Variants in NEK4 observed in about 807,000 individuals in gnomAD.
NEK4 encodes the protein serine/threonine-protein kinase Nek4.
A neutral mutation model predicts 98.4 loss-of-function variants in NEK4; 86 were observed. The ratio of observed to expected loss-of-function variants is 0.87; its 90% CI spans 0.73 to 1.05. The LOEUF is 1.05. NEK4 is among the 50% of genes least tolerant of loss of function. The pLI is 0.00. For missense variants in NEK4, 898 were observed against 950.3 expected, an observed-to-expected ratio of 0.94 and a Z score of 0.72; for synonymous variants, 328 against 342.2, an observed-to-expected ratio of 0.96 and a Z score of 0.46.
chr3:52,746,952 C>G (rs1383550092), intron 8 of NEK4, 48 bp from the exon 9 acceptor site: 1 of 1,385,706 alleles, frequency 7.2e-7, no homozygotes. Context: ...CAACCTGGTA[C>G]ATTGTAATCC....
chr3:52,738,770 C>T (rs1267543656), intron 14 of NEK4, among the ~76,000 whole-genome samples: 1 of 152,112 alleles, frequency 6.6e-6, no homozygotes, highest in Non-Finnish European at 1.5e-5. Flanking sequence ...TCTTGTTATA[C>T]TGACATTCTT....
At chr3:52,729,406 A>T (rs2097367510) in intron 15 of NEK4, among the ~76,000 whole-genome samples, 1 of 152,046 alleles carries the variant, frequency 6.6e-6, no homozygotes, top group Non-Finnish European at 1.5e-5. Flanking sequence ...CCTGTTTCAA[A>T]TATTTTAAAT....
rs1319946090 is a variant in NEK4, at chr3:52,708,571, G to A, written c.*3206C>T. On this transcript the variant is annotated 3_prime_UTR_variant, in exon 16 of 16. Transcript: ENST00000233027. ...CTAGCCATGATTCAAAGGTTCAATA[G>A]CTATATGTGACTAGTGGCTACCATA... 2 of 152,160 alleles carry A rather than the reference G, an allele frequency of 1.3e-5. No homozygotes were observed. Among genetic ancestry groups the A allele is most frequent in the Non-Finnish European group, 2.9e-5 (2 of 68,026 alleles). 9.4% of individuals were successfully genotyped at this position (152,160 alleles called of 1,614,324 possible). A position where few individuals can be genotyped will look rare whatever the true frequency, so the allele number is the denominator to read the frequency against.
chr3:52,709,793 AAACT>A lies in NEK4; in HGVS notation c.*1980_*1983del, dbSNP rs1267999144. On this transcript the variant is annotated 3_prime_UTR_variant, in exon 16 of 16. Coordinates refer to ENST00000233027, the MANE Select transcript of NEK4 (RefSeq NM_003157.6). ...ACCAATACATTAGAAAAATTAAGTA[AAACT>A]GATGACTCTCCAGAACGATGTGGAT... 1.3e-5 allele frequency: 2 copies of A among 152,222 alleles called. No homozygotes were observed. Among genetic ancestry groups the A allele is most frequent in the East Asian group, 3.9e-4 (2 of 5,184 alleles). The allele number at this position is 152,222 out of a possible 1,614,324, so 9.4% of individuals were successfully genotyped here. A position where few individuals can be genotyped will look rare whatever the true frequency, so the allele number is the denominator to read the frequency against.
intron 8 of NEK4, among the ~76,000 whole-genome samples, chr3:52,748,461 G>A (rs1273010212): frequency 6.6e-6 from 1 of 152,064 alleles, no homozygotes; most frequent in African/African-American, 2.4e-5. Context: ...AACTACTGAT[G>A]TTTGATTCAA....
intron 10 of NEK4, among the ~76,000 whole-genome samples, 176 bp downstream of exon 10, chr3:52,745,885 G>A (rs578152457): frequency 1.3e-5 from 2 of 152,138 alleles, no homozygotes; most frequent in East Asian, 3.9e-4. Context: ...ACCACATTTC[G>A]CTAATTTTTA....
At chr3:52,762,296 T>G (rs1698385368) in intron 5 of NEK4, among the ~76,000 whole-genome samples, 2 of 152,206 alleles carry the variant, frequency 1.3e-5, no homozygotes, top group Admixed American at 6.5e-5. Flanking sequence ...TATTACTATC[T>G]TACACAGTAA....
chr3:52,715,695 G>C (rs1423307556), intron 15 of NEK4, among the ~76,000 whole-genome samples: 1 of 152,162 alleles, frequency 6.6e-6, no homozygotes, highest in Admixed American at 6.5e-5. Flanking sequence ...AGCCTGAGCT[G>C]TTCTCTCAAA....
rs774145122 is a variant in NEK4 at position 52,760,930 on chromosome 3, G to A, written c.828C>T (p.Thr276=). 6.0e-5 allele frequency: 94 copies of A among 1,572,804 alleles called. 3 individuals are homozygous for A. The highest frequency in any genetic ancestry group is 5.2e-4 in the East Asian group (23 of 44,652). ...SFFLEATKIK[T]SKNNIKNGDS... ...CACCATTTTTAATGTTATTTTTGGA[G>A]GTTTTTCTTTATAAAGAAGAAAAGA... The change falls in exon 6 of 16, where the codon ACC becomes ACT. Residue 276 remains threonine (T), a synonymous_variant. Transcript: ENST00000233027.
chr3:52,722,596 T>G (rs1452982820), intron 15 of NEK4, among the ~76,000 whole-genome samples: 1 of 152,148 alleles, frequency 6.6e-6, no homozygotes, highest in Non-Finnish European at 1.5e-5. Context: ...TAAGATCAGA[T>G]GGCAGACTTA....
intron 12 of NEK4, 115 bp from the exon 13 acceptor site, chr3:52,741,614 C>A: frequency 1.7e-6 from 1 of 593,644 alleles, no homozygotes; most frequent in Admixed American, 3.0e-5. Context: ...TGCAATATAA[C>A]AGGAGAATCT....
chr3:52,720,438 A>G (rs375255824), intron 15 of NEK4, among the ~76,000 whole-genome samples: 46 of 152,240 alleles, frequency 3.0e-4, no homozygotes, highest in Admixed American at 2.7e-3. Context: ...TGAACTTCCA[A>G]GTAGGATAAA....
intron 6 of NEK4, chr3:52,754,401 TA>T: frequency 2.1e-6 from 1 of 485,894 alleles, no homozygotes; most frequent in South Asian, 1.7e-5. Flanking sequence ...AAAAGCCCCC[TA>T]AACCCAGAGG....
rs1164894056 is a variant in NEK4 at position 52,760,779 on chromosome 3, T to C, written c.963+16A>G. 3 of 1,587,688 alleles carry C rather than the reference T, an allele frequency of 1.9e-6. No homozygotes were observed. Among genetic ancestry groups the C allele is most frequent in the Non-Finnish European group, 2.6e-6 (3 of 1,166,702 alleles). On this transcript the variant is annotated intron_variant, in intron 6 of 15. Coordinates refer to ENST00000233027, the MANE Select transcript of NEK4 (RefSeq NM_003157.6). ...GTGCAGTTTCTAAAACACATACCCT[T>C]TAAAAAGAAACGTACCATTATATAT...
chr3:52,752,055 A>C lies in NEK4; in HGVS notation c.1245T>G (p.Thr415=), dbSNP rs2097406102. The C allele has an allele frequency of 6.2e-7, 1 of 1,614,072 alleles. No individual in the cohort carries two copies. The highest frequency in any genetic ancestry group is 8.5e-7 in the Non-Finnish European group (1 of 1,180,040). The stretch of plus-strand genomic sequence containing the variant: ...GGTTTTCAGGCTGGGCACTGGATTT[A>C]GTGTTGTCCTGCAGCATCTCCTCTT... ...QVEEEMLQDN[T]KSSAQPENLI... is the part of the protein sequence containing the mutation. The change falls in exon 7 of 16, where the codon ACT becomes ACG. Residue 415 remains threonine (T), a synonymous_variant. Coordinates refer to ENST00000233027, the MANE Select transcript of NEK4 (RefSeq NM_003157.6).
At chr3:52,726,689 C>A (rs977830608) in intron 15 of NEK4, among the ~76,000 whole-genome samples, 4 of 151,524 alleles carry the variant, frequency 2.6e-5, no homozygotes, top group Non-Finnish European at 5.9e-5. Flanking sequence ...GGGTGGATCA[C>A]AAGGTCAGGA....
intron 15 of NEK4, among the ~76,000 whole-genome samples, chr3:52,713,076 C>T (rs1383040171): frequency 6.6e-6 from 1 of 152,150 alleles, no homozygotes; most frequent in Non-Finnish European, 1.5e-5. Flanking sequence ...TCCCTGTCCC[C>T]CTTCCATATC....
intron 6 of NEK4, among the ~76,000 whole-genome samples, chr3:52,759,047 T>C (rs1423608802): frequency 6.8e-6 from 1 of 147,920 alleles, no homozygotes; most frequent in Non-Finnish European, 1.5e-5. Context: ...GCTATGATGA[T>C]GCCACTATAC....
intron 8 of NEK4, among the ~76,000 whole-genome samples, chr3:52,748,531 T>C (rs2097400153): frequency 6.6e-6 from 1 of 152,226 alleles, no homozygotes; most frequent in African/African-American, 2.4e-5. Context: ...AATGAACCAA[T>C]GTTTTAAATG....
Sources: gnomAD v4.1 joint callset for allele counts (sites outside exome capture counted in the v4.1 genomes callset) on GRCh38, gnomAD v4.1.1 for gene constraint, MANE v1.5 for transcripts, NCBI Gene and HGNC (gene_info 2026-07-23, HGNC 2026-07-21) for gene names.